Variants in CRTC1 observed in about 807,000 individuals in gnomAD.
The protein encoded by CRTC1 is CREB regulated transcription coactivator 1, also known as CREB-regulated transcription coactivator 1.
In CRTC1, 18 loss-of-function variants were observed where a neutral mutation model predicts 66.1. The observed-to-expected ratio is 0.27, with a 90% CI of 0.19 to 0.40. The LOEUF is 0.40. Ranked by LOEUF, CRTC1 falls within the 10% of genes least tolerant of loss-of-function variation. CRTC1 has a pLI of 1.00. For missense variants in CRTC1, 669 were observed against 887.9 expected (o/e 0.75, Z 3.13); for synonymous variants, 416 against 398.8 (o/e 1.04, Z -0.51).
chr19:18,738,655 G>T (rs554896497), intron 1 of CRTC1, among the ~76,000 whole-genome samples: 2 of 152,248 alleles, frequency 1.3e-5, no homozygotes, highest in African/African-American at 4.8e-5. Context: ...TACAAAAATT[G>T]TCTGAGTGTG....
In CRTC1 at chr19:18,781,228, G is replaced by C. The variant is rs977417703; in HGVS notation, c.*3846G>C. On this transcript the variant is annotated 3_prime_UTR_variant, in exon 14 of 14. Transcript: ENST00000321949. The stretch of plus-strand genomic sequence containing the variant: ...TGTGGTGCCCTGGGCCAGGGCGTGC[G>C]GGCGCCAGAGCCTTCCCTACACAGC... 1.3e-5 allele frequency: 3 copies of C among 227,048 alleles called. No individual in the cohort carries two copies. Among genetic ancestry groups the C allele is most frequent in the Non-Finnish European group, 2.6e-5 (3 of 114,230 alleles). 14.1% of individuals were successfully genotyped at this position (227,048 alleles called of 1,614,324 possible).
chr19:18,708,274 G>A (rs541691491), intron 1 of CRTC1, among the ~76,000 whole-genome samples: 1 of 152,306 alleles, frequency 6.6e-6, no homozygotes, highest in Non-Finnish European at 1.5e-5. Flanking sequence ...ATGGGGTGGG[G>A]AGGGGTGACC....
intron 3 of CRTC1, among the ~76,000 whole-genome samples, chr19:18,746,652 A>G (rs551465637): frequency 6.6e-6 from 1 of 152,208 alleles, no homozygotes; most frequent in East Asian, 1.9e-4. Flanking sequence ...GCTGGGCCCC[A>G]GACTGAGCCC....
At chr19:18,776,761 C>T (rs759865194) in intron 13 of CRTC1, among the ~76,000 whole-genome samples, 2 of 152,210 alleles carry the variant, frequency 1.3e-5, no homozygotes, top group African/African-American at 2.4e-5. Context: ...TGAGGATTCC[C>T]TCCAGCCCTA....
rs2055056652 is a variant in CRTC1 at position 18,779,251 on chromosome 19, C to T, written c.*1869C>T. On this transcript the variant is annotated 3_prime_UTR_variant, in exon 14 of 14. Coordinates refer to ENST00000321949, the MANE Select transcript of CRTC1 (RefSeq NM_015321.3). Reference sequence around the variant, plus strand: ...TTCTGTCCTCAGAGCTGGGTTTGATCCTAGCAACCATCCCTTCCTCTCTTT... The same window carrying T: ...TTCTGTCCTCAGAGCTGGGTTTGATTCTAGCAACCATCCCTTCCTCTCTTT... The T allele has an allele frequency of 3.0e-5, 7 of 230,292 alleles. No homozygotes were observed. The South Asian group carries it at 5.4e-4, about 18-fold the overall frequency. The allele number at this position is 230,292 out of a possible 1,614,324, so 14.3% of individuals were successfully genotyped here.
intron 6 of CRTC1, 68 bp from the exon 7 acceptor site, chr19:18,759,483 C>G: frequency 6.6e-7 from 1 of 1,523,322 alleles, no homozygotes; most frequent in Non-Finnish European, 9.0e-7. Context: ...TCAAGGAGGC[C>G]CAGTGCCCAG....
chr19:18,733,451 G>T (rs561824645), intron 1 of CRTC1, among the ~76,000 whole-genome samples: 5 of 152,222 alleles, frequency 3.3e-5, no homozygotes, highest in Admixed American at 2.6e-4. Flanking sequence ...AACCATGCCT[G>T]ATAAAAGGCA....
In CRTC1 at chr19:18,743,757, G is replaced by A. The variant is rs193079579; in HGVS notation, c.243+731G>A. Among the ~76,000 whole-genome samples the A allele has an allele frequency of 1.7e-3, 253 of 152,348 alleles. 7 individuals carry two copies. In the East Asian group the frequency reaches 0.042, roughly 25 times the overall value. On this transcript the variant is annotated intron_variant, in intron 2 of 13. Transcript: ENST00000321949. ...CAGCTCCACCGCCACCTGCACCGCC[G>A]CTGGACAGGGCAGGGATCCTTGGGC... is the stretch of plus-strand genomic sequence containing the variant.
intron 1 of CRTC1, among the ~76,000 whole-genome samples, chr19:18,699,718 G>A (rs112577479): frequency 6.6e-6 from 1 of 152,186 alleles, no homozygotes; most frequent in South Asian, 2.1e-4. Flanking sequence ...GCCTGGCCTC[G>A]CCTGGCTCTG....
At position 18,685,012 on chromosome 19, in the gene CRTC1, T is replaced by C. The variant is rs111366734; in HGVS notation, c.126+1184T>C. On this transcript the variant is annotated intron_variant, in intron 1 of 13. Transcript: ENST00000321949. ...ACCTCTCTCCTGCATCCTGGGGCCT[T>C]GGGGAGGGTTTGGGTGGGCTTTGCA... 1.2e-4 allele frequency among the ~76,000 whole-genome samples: 18 copies of C among 150,510 alleles called. 1 individual carries two copies. Among genetic ancestry groups the C allele is most frequent in the African/African-American group, 4.4e-4 (18 of 41,282 alleles).
chr19:18,726,742 A>G (rs1279338559), intron 1 of CRTC1, among the ~76,000 whole-genome samples: 1 of 152,048 alleles, frequency 6.6e-6, no homozygotes, highest in Non-Finnish European at 1.5e-5. Flanking sequence ...CCTGGCCAAC[A>G]TGGTGAAACC....
chr19:18,731,743 G>A (rs1385261873), intron 1 of CRTC1, among the ~76,000 whole-genome samples: 2 of 152,148 alleles, frequency 1.3e-5, no homozygotes, highest in Non-Finnish European at 2.9e-5. Context: ...GCTTATCTTC[G>A]GGAGACTCAT....
At chr19:18,706,511 T>C (rs1474111940) in intron 1 of CRTC1, among the ~76,000 whole-genome samples, 1 of 152,048 alleles carries the variant, frequency 6.6e-6, no homozygotes, top group Non-Finnish European at 1.5e-5. Context: ...CTGGCCCCAT[T>C]GGTCTTTATG....
In CRTC1 at chr19:18,741,770, G is replaced by A. The variant is rs1449487189; in HGVS notation, c.127-1140G>A. On this transcript the variant is annotated intron_variant, in intron 1 of 13. Transcript: ENST00000321949. The surrounding 1 kb of genome is among the most constrained non-coding windows in gnomAD (Gnocchi z 4.2). ...AACACACAAGGTTAATCTTACCATC[G>A]GCTCCACTTCAGCTCACAGGAAACA... Among the ~76,000 whole-genome samples, 1 of 152,172 alleles carries A rather than the reference G, an allele frequency of 6.6e-6. No homozygotes were observed. The highest frequency in any genetic ancestry group is 1.5e-5 in the Non-Finnish European group (1 of 68,006).
intron 8 of CRTC1, among the ~76,000 whole-genome samples, chr19:18,764,825 A>G (rs1353738603): frequency 6.6e-6 from 1 of 152,198 alleles, no homozygotes; most frequent in African/African-American, 2.4e-5. Flanking sequence ...AGGAATGGGC[A>G]CATTCACTGA....
chr19:18,685,650 T>A (rs1245454919), intron 1 of CRTC1, among the ~76,000 whole-genome samples: 1 of 152,058 alleles, frequency 6.6e-6, no homozygotes, highest in Non-Finnish European at 1.5e-5. Context: ...AGAGTGAAAC[T>A]CCATTTCAAA....
At position 18,749,893 on chromosome 19, in the gene CRTC1, G is replaced by T. The variant is rs532671229; in HGVS notation, c.538+18G>T. On this transcript the variant is annotated intron_variant, in intron 5 of 13. Transcript: ENST00000321949. Reference sequence around the variant, plus strand: ...GAAAAGAGGTATGGACAGGGGACTCGGGTGTCTCTGCTGGGGTGAGGCAAG... The same window carrying T: ...GAAAAGAGGTATGGACAGGGGACTCTGGTGTCTCTGCTGGGGTGAGGCAAG... 1 of 1,604,890 alleles carries T rather than the reference G, an allele frequency of 6.2e-7. No homozygotes were observed. The highest frequency in any genetic ancestry group is 1.1e-5 in the South Asian group (1 of 90,780).
At chr19:18,711,259 G>T (rs1018670345) in intron 1 of CRTC1, among the ~76,000 whole-genome samples, 1 of 152,086 alleles carries the variant, frequency 6.6e-6, no homozygotes, top group Non-Finnish European at 1.5e-5. Flanking sequence ...CAGGCCTTGG[G>T]TCAGCTCAGC....
intron 1 of CRTC1, among the ~76,000 whole-genome samples, chr19:18,712,885 G>A (rs1480450716): frequency 2.0e-5 from 3 of 151,894 alleles, no homozygotes; most frequent in African/African-American, 4.8e-5. Flanking sequence ...GCTTGAACCC[G>A]GGAGGTAGAG....
Sources: allele counts gnomAD v4.1 joint callset (sites outside exome capture counted in the v4.1 genomes callset), GRCh38; gene constraint gnomAD v4.1.1; non-coding constraint Gnocchi (gnomAD v3.1); transcripts MANE v1.5; gene names NCBI Gene and HGNC (gene_info 2026-07-23, HGNC 2026-07-21).